Variants in GRIA4 observed in about 807,000 individuals in gnomAD.
GRIA4 encodes glutamate ionotropic receptor AMPA type subunit 4, also known as glutamate receptor 4.
In GRIA4, 34 loss-of-function variants were observed where a neutral mutation model predicts 104.0. The observed-to-expected ratio is 0.33, with a 90% CI of 0.25 to 0.44. The LOEUF (loss-of-function observed/expected upper bound fraction) is 0.44. GRIA4 is among the 20% of genes least tolerant of loss of function. The probability of loss-of-function intolerance (pLI) is 1.00; values close to 1 mark genes in which losing one functional copy is unlikely to be tolerated. For synonymous variants in GRIA4, 386 were observed against 381.9 expected (o/e 1.01, Z -0.13); for missense variants, 750 against 1,096.5 (o/e 0.68, Z 4.46).
intron 3 of GRIA4, among the ~76,000 whole-genome samples, chr11:105,678,148 A>C (rs559225844): frequency 6.6e-6 from 1 of 152,176 alleles, no homozygotes; most frequent in African/African-American, 2.4e-5. Flanking sequence ...TTTTAAAAAG[A>C]TTGTACTATA....
chr11:105,759,871 T>C (rs1394691100), intron 4 of GRIA4, among the ~76,000 whole-genome samples: 1 of 152,136 alleles, frequency 6.6e-6, no homozygotes, highest in Non-Finnish European at 1.5e-5. Context: ...TAACTATTTG[T>C]TTAATTATGT....
intron 5 of GRIA4, among the ~76,000 whole-genome samples, chr11:105,886,953 T>G (rs1329089567): frequency 2.0e-5 from 3 of 152,000 alleles, no homozygotes; most frequent in Admixed American, 2.0e-4. Context: ...TTTGATTTTT[T>G]TTTTCTTTTT....
intron 3 of GRIA4, among the ~76,000 whole-genome samples, chr11:105,625,647 T>G (rs1041820748): frequency 9.2e-5 from 14 of 152,094 alleles, no homozygotes; most frequent in African/African-American, 3.1e-4. Context: ...TTCCTGACAC[T>G]CATGATTATG....
intron 11 of GRIA4, among the ~76,000 whole-genome samples, chr11:105,922,730 A>G (rs1335402627): frequency 6.6e-6 from 1 of 152,118 alleles, no homozygotes; most frequent in Non-Finnish European, 1.5e-5. Flanking sequence ...AATTAAAAAT[A>G]CTCTTCATAG....
chr11:105,938,320 A>AT (rs2136220058), intron 14 of GRIA4, among the ~76,000 whole-genome samples: 1 of 152,316 alleles, frequency 6.6e-6, no homozygotes, highest in African/African-American at 2.4e-5. Flanking sequence ...TTTGCTGGAT[A>AT]TTTTGTGTGA....
intron 3 of GRIA4, among the ~76,000 whole-genome samples, chr11:105,616,126 CTG>C (rs1349810540): frequency 6.6e-6 from 1 of 151,632 alleles, no homozygotes; most frequent in Admixed American, 6.6e-5. Flanking sequence ...ATTTTATAGA[CTG>C]TTTAAAACTT....
Position 105,758,372 on chromosome 11 carries a change from A to G in GRIA4, c.487+5152A>G, listed in dbSNP as rs117472008. Among the ~76,000 whole-genome samples, 354 of 152,272 alleles carry G rather than the reference A, an allele frequency of 2.3e-3. 2 individuals carry two copies. Among genetic ancestry groups the G allele is most frequent in the Non-Finnish European group, 4.3e-3 (290 of 68,016 alleles). ...CCTTAAAAATCTTTAGACTGATGAAATGTGGTTATAATAGTTTAGAAATTT... is the reference window on the plus strand; with the variant it reads ...CCTTAAAAATCTTTAGACTGATGAAGTGTGGTTATAATAGTTTAGAAATTT... On this transcript the variant is annotated intron_variant, in intron 4 of 16. Coordinates refer to ENST00000282499, the MANE Select transcript of GRIA4 (RefSeq NM_000829.4).
At chr11:105,717,454 A>G (rs1271097) in intron 3 of GRIA4, among the ~76,000 whole-genome samples, 1 of 152,146 alleles carries the variant, frequency 6.6e-6, no homozygotes, top group African/African-American at 2.4e-5. Flanking sequence ...CTCCAAAAGC[A>G]AGATTCTGTC....
intron 3 of GRIA4, among the ~76,000 whole-genome samples, chr11:105,619,297 T>A (rs1222793272): frequency 6.6e-6 from 1 of 151,922 alleles, no homozygotes; most frequent in East Asian, 1.9e-4. Flanking sequence ...ATATCACACA[T>A]AAATTTTATG....
intron 7 of GRIA4, among the ~76,000 whole-genome samples, chr11:105,900,968 AT>A: frequency 6.6e-6 from 1 of 152,144 alleles, no homozygotes; most frequent in Non-Finnish European, 1.5e-5. Flanking sequence ...ATATATATAT[AT>A]ATTTTGTAAA....
At chr11:105,656,086 A>T (rs1243510150) in intron 3 of GRIA4, among the ~76,000 whole-genome samples, 1 of 152,212 alleles carries the variant, frequency 6.6e-6, no homozygotes, top group Non-Finnish European at 1.5e-5. Context: ...ATGACCAGTG[A>T]TGATGAGCTT....
At chr11:105,657,731 A>T (rs1951885703) in intron 3 of GRIA4, among the ~76,000 whole-genome samples, 1 of 151,958 alleles carries the variant, frequency 6.6e-6, no homozygotes, top group Non-Finnish European at 1.5e-5. Context: ...TACTGATGGC[A>T]CCCAGAAATG....
intron 14 of GRIA4, chr11:105,945,485 C>A: frequency 1.0e-6 from 1 of 963,106 alleles, no homozygotes; most frequent in Non-Finnish European, 1.2e-6. Context: ...GGAGAACTAA[C>A]CAGCTCCAGG....
intron 4 of GRIA4, among the ~76,000 whole-genome samples, chr11:105,843,137 G>A (rs74339081): frequency 6.6e-5 from 10 of 152,050 alleles, no homozygotes; most frequent in East Asian, 1.9e-4. Flanking sequence ...TAAGATCCTC[G>A]CTCTTCCAAG....
intron 4 of GRIA4, among the ~76,000 whole-genome samples, chr11:105,784,713 T>G (rs1030399611): frequency 6.6e-6 from 1 of 152,228 alleles, no homozygotes; most frequent in South Asian, 2.1e-4. Flanking sequence ...CAAGTCTTTT[T>G]TGCATTCAAA....
At chr11:105,677,935 TTGTC>T (rs1952591616) in intron 3 of GRIA4, among the ~76,000 whole-genome samples, 1 of 151,994 alleles carries the variant, frequency 6.6e-6, no homozygotes, top group Non-Finnish European at 1.5e-5. Flanking sequence ...GCATATTTGT[TTGTC>T]TGTGTTTCCC....
chr11:105,932,260 C>T (rs138805063), intron 13 of GRIA4, among the ~76,000 whole-genome samples: 1 of 152,048 alleles, frequency 6.6e-6, no homozygotes, highest in Non-Finnish European at 1.5e-5. Context: ...TGCCTCAGCC[C>T]CCTTAGTAGC....
At chr11:105,889,050 T>G (rs775897761) in intron 6 of GRIA4, among the ~76,000 whole-genome samples, 1 of 152,150 alleles carries the variant, frequency 6.6e-6, no homozygotes, top group African/African-American at 2.4e-5. Flanking sequence ...TCTAATGACT[T>G]TTATAGCAAA....
At chr11:105,684,719 C>G (rs151058775) in intron 3 of GRIA4, among the ~76,000 whole-genome samples, 1 of 150,482 alleles carries the variant, frequency 6.6e-6, no homozygotes, top group Non-Finnish European at 1.5e-5. Context: ...TAAATAAAAC[C>G]TATTCTAAAG....
Sources: gnomAD v4.1 joint callset for allele counts (sites outside exome capture counted in the v4.1 genomes callset) on GRCh38, gnomAD v4.1.1 for gene constraint, MANE v1.5 for transcripts, NCBI Gene and HGNC (gene_info 2026-07-23, HGNC 2026-07-21) for gene names.